The following LIN52 variants were observed in gnomAD, a reference collection of about 807,000 sequenced individuals.
LIN52 encodes protein lin-52 homolog.
Under a neutral mutation model 18.5 loss-of-function variants are expected in LIN52, and 4 were observed. The observed-to-expected ratio is 0.22, with a 90% confidence interval of 0.11 to 0.49. The LOEUF (loss-of-function observed/expected upper bound fraction) is 0.49. Among genes scored for constraint, LIN52 ranks in the 20% least tolerant of loss-of-function variants. The pLI, the probability that LIN52 is intolerant of heterozygous loss-of-function variation, is 0.97. For synonymous variants in LIN52, 34 were observed against 45.5 expected, an observed-to-expected ratio of 0.75 and a Z score of 1.02; for missense variants, 102 against 139.5, an observed-to-expected ratio of 0.73 and a Z score of 1.35.
chr14:74,131,347 TC>T (rs1462479930), intron 5 of LIN52, among the ~76,000 whole-genome samples: 4 of 151,752 alleles, frequency 2.6e-5, no homozygotes, highest in Non-Finnish European at 5.9e-5. Flanking sequence ...AGACAGAGTT[TC>T]ACTCTTTTTG....
chr14:74,170,862 A>G (rs1460932316), intron 5 of LIN52, among the ~76,000 whole-genome samples: 1 of 107,576 alleles, frequency 9.3e-6, no homozygotes, highest in Non-Finnish European at 2.1e-5. Flanking sequence ...AGTTAGGTAC[A>G]GGCCAGAAAA....
At chr14:74,141,268 G>A (rs1025129522) in intron 5 of LIN52, among the ~76,000 whole-genome samples, 1 of 152,072 alleles carries the variant, frequency 6.6e-6, no homozygotes, top group African/African-American at 2.4e-5. Flanking sequence ...GACATTTTCT[G>A]TACATAGTAA....
intron 5 of LIN52, among the ~76,000 whole-genome samples, chr14:74,102,127 C>T (rs956731338): frequency 6.6e-6 from 1 of 152,070 alleles, no homozygotes; most frequent in Admixed American, 6.6e-5. Flanking sequence ...CCTATAATCC[C>T]AGCTAGTTGG....
At chr14:74,111,670 A>T (rs905510075) in intron 5 of LIN52, among the ~76,000 whole-genome samples, 10 of 150,598 alleles carry the variant, frequency 6.6e-5, no homozygotes, top group African/African-American at 9.8e-5. Context: ...TGACATCAGA[A>T]TTATTTGTCT....
chr14:74,120,902 C>T (rs929932607), intron 5 of LIN52, among the ~76,000 whole-genome samples: 1 of 151,734 alleles, frequency 6.6e-6, no homozygotes, highest in Non-Finnish European at 1.5e-5. Flanking sequence ...CAGAGCGAGA[C>T]TCTGTCTCAA....
rs2061340871 is a variant in LIN52 at position 74,186,411 on chromosome 14, C to T, written c.284-12511C>T. Among the ~76,000 whole-genome samples, 3 of 152,132 alleles carry T rather than the reference C, an allele frequency of 2.0e-5. No individual in the cohort carries two copies. The South Asian group carries it at 6.2e-4, about 31-fold the overall frequency. Reference sequence around the variant, plus strand: ...CACCTACCATATGCTTGGTATTGTTCTAATTGCTGGGGATACAGCAAGAGG... The same window carrying T: ...CACCTACCATATGCTTGGTATTGTTTTAATTGCTGGGGATACAGCAAGAGG... On this transcript the variant is annotated intron_variant, in intron 5 of 5. Coordinates refer to ENST00000555028, the MANE Select transcript of LIN52 (RefSeq NM_001024674.3).
chr14:74,169,750 A>G (rs1293432894), intron 5 of LIN52, among the ~76,000 whole-genome samples: 1 of 152,228 alleles, frequency 6.6e-6, no homozygotes, highest in Non-Finnish European at 1.5e-5. Flanking sequence ...TTTTTTCAAA[A>G]TTAGAGCTTA....
chr14:74,097,722 C>T (rs1046192595), intron 3 of LIN52, 72 bp from the exon 4 acceptor site: 3 of 1,164,798 alleles, frequency 2.6e-6, no homozygotes. Context: ...GCCCAGGCTA[C>T]ACTTCTTATA....
intron 5 of LIN52, among the ~76,000 whole-genome samples, chr14:74,198,593 G>A (rs145876641): frequency 2.0e-5 from 3 of 152,368 alleles, no homozygotes; most frequent in African/African-American, 2.4e-5. Flanking sequence ...CCCTGAGATA[G>A]TGAACATGAG....
chr14:74,128,860 T>C (rs2061043578), intron 5 of LIN52, among the ~76,000 whole-genome samples: 1 of 152,036 alleles, frequency 6.6e-6, no homozygotes, highest in African/African-American at 2.4e-5. Context: ...ATGAGAATCT[T>C]GAGCCTGCGA....
At chr14:74,088,394 ATTAT>A (rs2060749862) in intron 1 of LIN52, among the ~76,000 whole-genome samples, 1 of 151,742 alleles carries the variant, frequency 6.6e-6, no homozygotes, top group Non-Finnish European at 1.5e-5. Context: ...CCCCCACCTT[ATTAT>A]TTTTTGTAGA....
At chr14:74,090,775 G>A (rs1373823970) in intron 1 of LIN52, among the ~76,000 whole-genome samples, 2 of 152,038 alleles carry the variant, frequency 1.3e-5, no homozygotes, top group East Asian at 1.9e-4. Flanking sequence ...GGGGGGTTGT[G>A]TACAAACTTT....
rs1418616351 is a variant in LIN52 at position 74,200,120 on chromosome 14, A to AG, written c.*1143_*1144insG. ...GCATGGAGTTTCCTAAACTTTGCACAAAAGAATATCCTGGGGCCGGGCATG... is the reference window on the plus strand; with the variant it reads ...GCATGGAGTTTCCTAAACTTTGCACAGAAAGAATATCCTGGGGCCGGGCATG... On this transcript the variant is annotated 3_prime_UTR_variant, in exon 6 of 6. Transcript: ENST00000555028. 6.6e-6 allele frequency: 1 copy of AG among 151,646 alleles called. No homozygotes were observed. Among genetic ancestry groups the AG allele is most frequent in the Non-Finnish European group, 1.5e-5 (1 of 67,958 alleles). The allele number at this position is 151,646 out of a possible 1,614,324, so 9.4% of individuals were successfully genotyped here. A position where few individuals can be genotyped will look rare whatever the true frequency, so the allele number is the denominator to read the frequency against.
intron 5 of LIN52, among the ~76,000 whole-genome samples, chr14:74,136,881 T>C (rs1193555197): frequency 6.6e-6 from 1 of 152,198 alleles, no homozygotes; most frequent in Non-Finnish European, 1.5e-5. Flanking sequence ...AGTATTGATC[T>C]GTTTACTTGT....
chr14:74,135,987 T>G (rs2061095603), intron 5 of LIN52, among the ~76,000 whole-genome samples: 2 of 152,234 alleles, frequency 1.3e-5, no homozygotes, highest in African/African-American at 2.4e-5. Context: ...GTTTTCTCCT[T>G]TTCTTTTTCA....
chr14:74,156,954 T>C (rs759962365), intron 5 of LIN52, among the ~76,000 whole-genome samples: 2 of 152,184 alleles, frequency 1.3e-5, no homozygotes, highest in African/African-American at 2.4e-5. Context: ...GTTCCATCCA[T>C]GTTGCTGGGA....
chr14:74,141,259 A>G (rs1224288054), intron 5 of LIN52, among the ~76,000 whole-genome samples: 2 of 152,226 alleles, frequency 1.3e-5, no homozygotes, highest in African/African-American at 4.8e-5. Flanking sequence ...ATGCTTCCAG[A>G]CATTTTCTGT....
chr14:74,088,128 T>C (rs1003825675), intron 1 of LIN52, among the ~76,000 whole-genome samples: 13 of 152,134 alleles, frequency 8.5e-5, no homozygotes, highest in African/African-American at 3.1e-4. Context: ...TCTCACTCTG[T>C]CACCCAGGCT....
At chr14:74,166,963 C>G (rs1369686537) in intron 5 of LIN52, among the ~76,000 whole-genome samples, 3 of 151,984 alleles carry the variant, frequency 2.0e-5, no homozygotes, top group African/African-American at 7.2e-5. Flanking sequence ...TTTTTTCTGT[C>G]AGTCCCAGGT....
Sources: gnomAD v4.1 joint callset for allele counts (sites outside exome capture counted in the v4.1 genomes callset) on GRCh38, gnomAD v4.1.1 for gene constraint, MANE v1.5 for transcripts, NCBI Gene and HGNC (gene_info 2026-07-23, HGNC 2026-07-21) for gene names.